Variants in PTPRN2 observed in about 807,000 individuals in gnomAD.
PTPRN2 encodes receptor-type tyrosine-protein phosphatase N2.
Under a neutral mutation model 118.8 loss-of-function variants are expected in PTPRN2, and 74 were observed. The ratio of observed to expected loss-of-function variants is 0.62; its 90% CI spans 0.52 to 0.76. The LOEUF (loss-of-function observed/expected upper bound fraction) is 0.76. Ranked by LOEUF, PTPRN2 falls within the 30% of genes least tolerant of loss-of-function variation. The pLI is 0.00. For missense variants in PTPRN2, 1,481 were observed against 1,394.4 expected (o/e 1.06, Z -0.99); for synonymous variants, 641 against 608.0 (o/e 1.05, Z -0.80).
chr7:158,018,462 A>G (rs990762622), intron 11 of PTPRN2, among the ~76,000 whole-genome samples: 21 of 152,178 alleles, frequency 1.4e-4, no homozygotes, highest in African/African-American at 5.1e-4. Context: ...TGGAAATGCT[A>G]ACTTCTGGGA....
chr7:157,588,397 C>G (rs59295761), intron 17 of PTPRN2, among the ~76,000 whole-genome samples: 7,329 of 152,276 alleles, frequency 0.048, 321 homozygotes, highest in East Asian at 0.19. Context: ...GGCCCCTCCC[C>G]TGCCTCCCCG....
chr7:157,557,154 T>G (rs1157501100), intron 21 of PTPRN2, among the ~76,000 whole-genome samples: 4 of 149,220 alleles, frequency 2.7e-5, no homozygotes, highest in African/African-American at 9.9e-5. Context: ...TATACTCACA[T>G]GCATGCACAC....
In PTPRN2 at chr7:158,570,714, AGAGCCCGCGGAGAAGCTTGAGCCTGT is replaced by A. The variant is rs1161235702; in HGVS notation, c.112+16818_112+16843del. Among the ~76,000 whole-genome samples the A allele has an allele frequency of 5.9e-5, 9 of 152,254 alleles. No homozygotes were observed. Among genetic ancestry groups the A allele is most frequent in the African/African-American group, 1.9e-4 (8 of 41,474 alleles). On this transcript the variant is annotated intron_variant, in intron 1 of 22. Transcript: ENST00000389418. This position sits in a 1 kb window ranked among gnomAD's most constrained non-coding sequence, Gnocchi z 4.5. ...CGGCTGGGTACGGTTTGCAACGCCG[AGAGCCCGCGGAGAAGCTTGAGCCTGT>A]GAGCCCCCGTCTCCGACCACGGACT...
intron 4 of PTPRN2, among the ~76,000 whole-genome samples, chr7:158,202,857 C>T (rs936632852): frequency 6.6e-6 from 1 of 152,024 alleles, no homozygotes; most frequent in South Asian, 2.1e-4. Flanking sequence ...ATATAAAGAA[C>T]CTATAATAAA....
intron 12 of PTPRN2, among the ~76,000 whole-genome samples, chr7:157,709,047 C>T (rs539322601): frequency 1.5e-4 from 23 of 152,300 alleles, no homozygotes; most frequent in Admixed American, 1.0e-3. Flanking sequence ...GACCCTCAGG[C>T]GGCAGAGGAG....
rs148550940 is a variant in PTPRN2 at position 157,738,573 on chromosome 7, G to A, written c.1789-55636C>T. On this transcript the variant is annotated intron_variant, in intron 12 of 22. Coordinates refer to ENST00000389418, the MANE Select transcript of PTPRN2 (RefSeq NM_002847.5). ...GGCTGGTCACTCACATGCAGACTGA[G>A]CTGACGCTTAGGACAAAATCCATGT... Among the ~76,000 whole-genome samples the A allele has an allele frequency of 1.4e-3, 211 of 152,332 alleles. 2 individuals are homozygous for A. In the East Asian group the frequency reaches 0.02, roughly 14 times the overall value.
intron 10 of PTPRN2, among the ~76,000 whole-genome samples, chr7:158,087,149 T>TGC (rs1406416754): frequency 6.6e-6 from 1 of 152,222 alleles, no homozygotes; most frequent in African/African-American, 2.4e-5. Flanking sequence ...AGGAGGGGTC[T>TGC]GCTCCTCCTC....
At chr7:158,556,426 T>C (rs1827000179) in intron 1 of PTPRN2, among the ~76,000 whole-genome samples, 1 of 151,908 alleles carries the variant, frequency 6.6e-6, no homozygotes, top group Non-Finnish European at 1.5e-5. Flanking sequence ...TGGTGGCGCA[T>C]GCCTGTAATC....
intron 2 of PTPRN2, among the ~76,000 whole-genome samples, chr7:158,374,114 C>T (rs886290355): frequency 2.0e-5 from 3 of 152,200 alleles, no homozygotes; most frequent in Admixed American, 6.5e-5. Flanking sequence ...GCCCTTCTGA[C>T]CCTTGGGGCA....
chr7:158,190,811 C>T (rs549262345), intron 5 of PTPRN2, among the ~76,000 whole-genome samples: 26 of 152,380 alleles, frequency 1.7e-4, no homozygotes, highest in Non-Finnish European at 2.9e-4. Context: ...CTCTGTTTGG[C>T]GGCCGTGGAC....
intron 1 of PTPRN2, among the ~76,000 whole-genome samples, chr7:158,556,533 A>C (rs1487219301): frequency 1.3e-5 from 2 of 150,578 alleles, no homozygotes; most frequent in Non-Finnish European, 3.0e-5. Flanking sequence ...AGCCTGGGCG[A>C]CAGAGCAAAA....
At chr7:158,239,424 G>A (rs545866430) in intron 3 of PTPRN2, among the ~76,000 whole-genome samples, 5 of 152,248 alleles carry the variant, frequency 3.3e-5, no homozygotes, top group South Asian at 2.1e-4. Context: ...ACAAGCCAAC[G>A]CTCCGTAGCG....
Position 158,453,800 on chromosome 7 carries a change from G to A in PTPRN2, c.163+35935C>T, listed in dbSNP as rs909904917. Among the ~76,000 whole-genome samples, 4 of 152,256 alleles carry A rather than the reference G, an allele frequency of 2.6e-5. No individual in the cohort carries two copies. In the South Asian group the frequency reaches 8.3e-4, roughly 32 times the overall value. ...GTGCACTGACCATGTGCAGGGAACC[G>A]ACGGAGACACTTAGAAACTCAGCAA... is the stretch of plus-strand genomic sequence containing the variant. On this transcript the variant is annotated intron_variant, in intron 2 of 22. Transcript: ENST00000389418.
At chr7:158,164,964 G>A (rs1822795234) in intron 6 of PTPRN2, among the ~76,000 whole-genome samples, 2 of 130,364 alleles carry the variant, frequency 1.5e-5, no homozygotes, top group Non-Finnish European at 3.4e-5. Flanking sequence ...CGGACCCAAG[G>A]TCGCAAGTGA....
chr7:157,737,688 G>A (rs1430184959), intron 12 of PTPRN2, among the ~76,000 whole-genome samples: 2 of 152,238 alleles, frequency 1.3e-5, no homozygotes, highest in Non-Finnish European at 2.9e-5. Context: ...GGGCCTGGGC[G>A]TGGCAGCCCC....
chr7:158,475,464 C>T (rs1022275299), intron 2 of PTPRN2, among the ~76,000 whole-genome samples: 7 of 152,112 alleles, frequency 4.6e-5, no homozygotes, highest in East Asian at 1.9e-4. Flanking sequence ...ACGCTTCGCC[C>T]CTGCTTAACA....
chr7:157,615,495 C>T lies in PTPRN2; in HGVS notation c.2344+5867G>A, dbSNP rs1488216701. 5 of 471,212 alleles carry T rather than the reference C, an allele frequency of 1.1e-5. No individual in the cohort carries two copies. In the East Asian group the frequency reaches 2.8e-4, roughly 26 times the overall value. The allele number at this position is 471,212 out of a possible 1,614,324, so 29.2% of individuals were successfully genotyped here. ...CATCTGATGAGCCTTTGCCAATATG[C>T]TCGGGACCTGGGGACGGCTGGGGTG... On this transcript the variant is annotated intron_variant, in intron 15 of 22. Coordinates refer to ENST00000389418, the MANE Select transcript of PTPRN2 (RefSeq NM_002847.5). The surrounding 1 kb of genome is among the most constrained non-coding windows in gnomAD (Gnocchi z 4.3).
At chr7:158,354,435 A>G (rs1563193046) in intron 2 of PTPRN2, among the ~76,000 whole-genome samples, 1 of 152,226 alleles carries the variant, frequency 6.6e-6, no homozygotes, top group East Asian at 1.9e-4. Context: ...TGGCAGCCCT[A>G]AGGAAACTCG....
At position 158,133,229 on chromosome 7, in the gene PTPRN2, C is replaced by T. The variant is rs541588279; in HGVS notation, c.1556+448G>A. 3.9e-5 allele frequency among the ~76,000 whole-genome samples: 6 copies of T among 152,296 alleles called. No homozygotes were observed. The South Asian group carries it at 1.0e-3, about 26-fold the overall frequency. On this transcript the variant is annotated intron_variant, in intron 9 of 22. Coordinates refer to ENST00000389418, the MANE Select transcript of PTPRN2 (RefSeq NM_002847.5). ...TCCTTCCTAACAGGCAGGAGGAGTC[C>T]GGGGTGCAGCAGTTTCCAGGGCCGC...
Sources: gnomAD v4.1 joint callset for allele counts (sites outside exome capture counted in the v4.1 genomes callset) on GRCh38, gnomAD v4.1.1 for gene constraint, Gnocchi (gnomAD v3.1) non-coding constraint, MANE v1.5 for transcripts, NCBI Gene and HGNC (gene_info 2026-07-23, HGNC 2026-07-21) for gene names.